Variants in CEP128 observed in about 807,000 individuals in gnomAD.
The protein encoded by CEP128 is centrosomal protein 128, also known as centrosomal protein 128kDa.
CEP128 carries 132 observed loss-of-function variants against 156.7 expected under a neutral mutation model. The ratio of observed to expected loss-of-function variants is 0.84; its 90% CI spans 0.73 to 0.97. The LOEUF (loss-of-function observed/expected upper bound fraction) is 0.97. CEP128 is among the 50% of genes least tolerant of loss of function. CEP128 has a pLI of 0.00. For missense variants in CEP128, 1,252 were observed against 1,281.9 expected (o/e 0.98, Z 0.36); for synonymous variants, 469 against 448.9 (o/e 1.04, Z -0.57).
At chr14:80,508,915 G>A (rs2140207940) in intron 23 of CEP128, among the ~76,000 whole-genome samples, 1 of 152,284 alleles carries the variant, frequency 6.6e-6, no homozygotes, top group African/African-American at 2.4e-5. Flanking sequence ...AGTTTATGAA[G>A]AAAAAGGGTT....
rs1387776356 is a variant in CEP128 at position 80,916,305 on chromosome 14, T to C, written c.147+96A>G. 6 of 982,616 alleles carry C rather than the reference T, an allele frequency of 6.1e-6. No homozygotes were observed. The African/African-American group carries it at 9.7e-5, about 16-fold the overall frequency. The allele number at this position is 982,616 out of a possible 1,614,324, so 60.9% of individuals were successfully genotyped here. ...TTTTAAGACATTAGCTTTGCAGTAA[T>C]TTGTTACAGCAGCAAGAAAACTAAT... On this transcript the variant is annotated intron_variant, in intron 3 of 24. Coordinates refer to ENST00000555265, the MANE Select transcript of CEP128 (RefSeq NM_152446.5).
intron 13 of CEP128, among the ~76,000 whole-genome samples, chr14:80,806,912 T>A (rs1357118824): frequency 2.0e-5 from 3 of 152,126 alleles, no homozygotes; most frequent in East Asian, 3.9e-4. Context: ...TATGGTTTAT[T>A]TGAAAGAGAA....
intron 19 of CEP128, among the ~76,000 whole-genome samples, chr14:80,633,643 G>C (rs1894058409): frequency 1.3e-5 from 2 of 152,174 alleles, no homozygotes; most frequent in African/African-American, 4.8e-5. Flanking sequence ...GGACAAGCAA[G>C]ACTTCCCACT....
At chr14:80,653,976 C>T (rs896060893) in intron 19 of CEP128, among the ~76,000 whole-genome samples, 1 of 152,054 alleles carries the variant, frequency 6.6e-6, no homozygotes, top group South Asian at 2.1e-4. Flanking sequence ...GTATCCATTG[C>T]TACTCACATG....
intron 15 of CEP128, among the ~76,000 whole-genome samples, chr14:80,779,274 C>A (rs1209469355): frequency 6.6e-6 from 1 of 152,108 alleles, no homozygotes; most frequent in Admixed American, 6.5e-5. Context: ...TCAATGGAAA[C>A]AATTTCCTGA....
intron 24 of CEP128, among the ~76,000 whole-genome samples, chr14:80,499,129 T>G (rs939575640): frequency 6.6e-6 from 1 of 152,202 alleles, no homozygotes; most frequent in African/African-American, 2.4e-5. Context: ...AAGAAACAAT[T>G]TTATTGCCTT....
chr14:80,523,367 C>G (rs1275386012), intron 23 of CEP128, among the ~76,000 whole-genome samples: 1 of 152,174 alleles, frequency 6.6e-6, no homozygotes, highest in African/African-American at 2.4e-5. Flanking sequence ...TCCTCTGAAC[C>G]CCCAATGCAG....
intron 13 of CEP128, among the ~76,000 whole-genome samples, chr14:80,807,533 A>T (rs1275640768): frequency 1.3e-5 from 2 of 152,212 alleles, no homozygotes; most frequent in Admixed American, 1.3e-4. Flanking sequence ...AGACCAGCTC[A>T]ACTGGGATCA....
In CEP128 at chr14:80,526,990, A is replaced by AG; in HGVS notation, c.2959-9_2959-8insC. The AG allele has an allele frequency of 6.9e-7, 1 of 1,449,722 alleles. No homozygotes were observed. The highest frequency in any genetic ancestry group is 9.6e-7 in the Non-Finnish European group (1 of 1,047,022). The allele number at this position is 1,449,722 out of a possible 1,614,324, so 89.8% of individuals were successfully genotyped here. A position where few individuals can be genotyped will look rare whatever the true frequency, so the allele number is the denominator to read the frequency against. On this transcript the variant is annotated splice_polypyrimidine_tract_variant and intron_variant, in intron 22 of 24. Transcript: ENST00000555265. The stretch of plus-strand genomic sequence containing the variant: ...AGATGAACTGCAGGAATCCTGGAAA[A>AG]AAAAAAAAGCAAAGGGTCTGAACTG...
At chr14:80,754,720 C>A (rs1430376509) in intron 18 of CEP128, among the ~76,000 whole-genome samples, 2 of 152,102 alleles carry the variant, frequency 1.3e-5, no homozygotes, top group Non-Finnish European at 2.9e-5. Context: ...ACCTCGGCCT[C>A]CAAAAGTGCC....
chr14:80,739,503 G>GC (rs1898696770), intron 19 of CEP128, among the ~76,000 whole-genome samples: 1 of 151,992 alleles, frequency 6.6e-6, no homozygotes, highest in Non-Finnish European at 1.5e-5. Context: ...CCCATCAACA[G>GC]CCCCTTCTAC....
intron 17 of CEP128, 101 bp downstream of exon 17, chr14:80,761,336 T>C: frequency 1.1e-6 from 1 of 875,238 alleles, no homozygotes; most frequent in Non-Finnish European, 1.7e-6. Flanking sequence ...TTATAAAATT[T>C]TCCATAATAA....
At chr14:80,590,113 G>C (rs552388481) in intron 19 of CEP128, among the ~76,000 whole-genome samples, 17 of 152,216 alleles carry the variant, frequency 1.1e-4, no homozygotes, top group Middle Eastern at 3.4e-3. Flanking sequence ...CTGCAGCATG[G>C]CTTAGAGTAA....
intron 13 of CEP128, chr14:80,822,512 C>T: frequency 1.6e-6 from 1 of 632,028 alleles, no homozygotes; most frequent in Non-Finnish European, 3.0e-6. Context: ...CCACCTACAT[C>T]CTGCCGCCAC....
Position 80,743,118 on chromosome 14 carries a change from T to G in CEP128, c.2763A>C (p.Glu921Asp). Residue 921 changes from glutamate to aspartate, a missense_variant, in exon 19 of 25, where the codon GAA becomes GAC. Coordinates refer to ENST00000555265, the MANE Select transcript of CEP128 (RefSeq NM_152446.5). Reference protein sequence around the residue: ...SELQCLFQQIERQEQLLDEIH... With the variant: ...SELQCLFQQIDRQEQLLDEIH... ...TTTCATCCAGAAGCTGCTCCTGCCT[T>G]TCTATCTGTTGAAAGAGACACTGCA... is the stretch of plus-strand genomic sequence containing the variant. The G allele has an allele frequency of 6.2e-7, 1 of 1,613,838 alleles. No individual in the cohort carries two copies. Among genetic ancestry groups the G allele is most frequent in the Non-Finnish European group, 8.5e-7 (1 of 1,179,844 alleles).
intron 21 of CEP128, among the ~76,000 whole-genome samples, chr14:80,551,071 A>C (rs1890189699): frequency 6.6e-6 from 1 of 152,058 alleles, no homozygotes. Flanking sequence ...ATGTTTTCCT[A>C]CTCTTATGGT....
chr14:80,833,137 T>A (rs974187925), intron 12 of CEP128, among the ~76,000 whole-genome samples: 2 of 152,032 alleles, frequency 1.3e-5, no homozygotes, highest in African/African-American at 4.8e-5. Flanking sequence ...TATTTGTAAA[T>A]GTATTTGTTT....
chr14:80,497,665 A>T (rs1887550555), intron 24 of CEP128, 83 bp from the exon 25 acceptor site: 1 of 823,064 alleles, frequency 1.2e-6, no homozygotes, highest in East Asian at 2.6e-5. Context: ...GAAGGTAGTT[A>T]ATGTATCATG....
intron 17 of CEP128, among the ~76,000 whole-genome samples, chr14:80,759,697 G>A (rs568265969): frequency 6.6e-6 from 1 of 152,178 alleles, no homozygotes; most frequent in South Asian, 2.1e-4. Flanking sequence ...TTCTCTAGGG[G>A]AAGAAGTGTA....
Sources: gnomAD v4.1 joint callset for allele counts (sites outside exome capture counted in the v4.1 genomes callset) on GRCh38, gnomAD v4.1.1 for gene constraint, MANE v1.5 for transcripts, NCBI Gene and HGNC (gene_info 2026-07-23, HGNC 2026-07-21) for gene names.